Variants in GATAD2A observed in about 807,000 individuals in gnomAD.
The protein encoded by GATAD2A is transcriptional repressor p66-alpha.
Under a neutral mutation model 68.5 loss-of-function variants are expected in GATAD2A, and 12 were observed. The ratio of observed to expected loss-of-function variants is 0.18; its 90% confidence interval spans 0.11 to 0.28. The LOEUF (loss-of-function observed/expected upper bound fraction) is 0.28. Ranked by LOEUF, GATAD2A falls within the 10% of genes least tolerant of loss-of-function variation. The pLI is 1.00. For synonymous variants in GATAD2A, 410 were observed against 375.3 expected, an observed-to-expected ratio of 1.09 and a Z score of -1.07; for missense variants, 755 against 868.5, an observed-to-expected ratio of 0.87 and a Z score of 1.64.
chr19:19,386,347 C>G (rs1194208691), intron 1 of GATAD2A, among the ~76,000 whole-genome samples: 1 of 151,830 alleles, frequency 6.6e-6, no homozygotes, highest in African/African-American at 2.4e-5. Context: ...GGGACCCTCG[C>G]CTCTCTTGGG....
intron 1 of GATAD2A, among the ~76,000 whole-genome samples, chr19:19,418,098 G>A (rs956639598): frequency 6.6e-6 from 1 of 152,144 alleles, no homozygotes; most frequent in Non-Finnish European, 1.5e-5. Flanking sequence ...GTGGATCTTT[G>A]GTTTTAGGGG....
At chr19:19,442,335 T>A (rs1034541295) in intron 1 of GATAD2A, among the ~76,000 whole-genome samples, 1 of 151,556 alleles carries the variant, frequency 6.6e-6, no homozygotes, top group Non-Finnish European at 1.5e-5. Flanking sequence ...GTGTTAAAAA[T>A]CCAAGGCTGG....
intron 1 of GATAD2A, among the ~76,000 whole-genome samples, chr19:19,413,535 C>G (rs185091952): frequency 1.5e-4 from 23 of 152,176 alleles, no homozygotes; most frequent in Non-Finnish European, 2.1e-4. Flanking sequence ...CTAGGGTTCT[C>G]TTATAGCCAC....
At position 19,496,320 on chromosome 19, in the gene GATAD2A, G is replaced by A. The variant is rs1040514025; in HGVS notation, c.924+101G>A. 9 of 1,104,290 alleles carry A rather than the reference G, an allele frequency of 8.2e-6. No individual in the cohort carries two copies. In the East Asian group the frequency reaches 1.9e-4, roughly 23 times the overall value. 68.4% of individuals were successfully genotyped at this position (1,104,290 alleles called of 1,614,324 possible). A position where few individuals can be genotyped will look rare whatever the true frequency, so the allele number is the denominator to read the frequency against. Reference sequence around the variant, plus strand: ...GGGCACAGTAGTGTTTCCCTGGGCTGTGTGGCATGACCTGCCTTGCTCTTT... The same window carrying A: ...GGGCACAGTAGTGTTTCCCTGGGCTATGTGGCATGACCTGCCTTGCTCTTT... On this transcript the variant is annotated intron_variant, in intron 7 of 11. Coordinates refer to ENST00000683918, the MANE Select transcript of GATAD2A (RefSeq NM_001384528.1).
intron 5 of GATAD2A, 136 bp from the exon 6 acceptor site, chr19:19,495,618 T>C (rs1306254420): frequency 5.8e-6 from 5 of 862,876 alleles, no homozygotes; most frequent in South Asian, 2.0e-5. Context: ...TAATTTTCTT[T>C]AACTTCTCTG....
intron 2 of GATAD2A, among the ~76,000 whole-genome samples, chr19:19,476,401 TC>T (rs2058680193): frequency 6.6e-6 from 1 of 152,222 alleles, no homozygotes; most frequent in South Asian, 2.1e-4. Context: ...AGGCTTCTCT[TC>T]CTGTAACTGA....
chr19:19,409,495 GTGGTCGTTTGTTAGAATGGATGCTTT>G (rs1480974333), intron 1 of GATAD2A, among the ~76,000 whole-genome samples: 1 of 152,168 alleles, frequency 6.6e-6, no homozygotes, highest in Non-Finnish European at 1.5e-5. Context: ...CCTGCTAAGT[GTGGTCGTTTGTTAGAATGGATGCTTT>G]TGAGTTATCT....
intron 1 of GATAD2A, among the ~76,000 whole-genome samples, chr19:19,456,838 G>C (rs1174138879): frequency 1.3e-5 from 2 of 152,196 alleles, no homozygotes; most frequent in Non-Finnish European, 2.9e-5. Flanking sequence ...GGTTGATGGG[G>C]CCTTCTGATG....
intron 1 of GATAD2A, among the ~76,000 whole-genome samples, chr19:19,428,447 A>G (rs965304503): frequency 1.3e-5 from 2 of 152,246 alleles, no homozygotes; most frequent in African/African-American, 4.8e-5. Flanking sequence ...GCCTGGTGCC[A>G]GGGCCTGTCA....
At chr19:19,501,925 C>G (rs998201907) in intron 9 of GATAD2A, 44 bp from the exon 10 acceptor site, 24 of 1,513,080 alleles carry the variant, frequency 1.6e-5, no homozygotes, top group African/African-American at 4.1e-5. Context: ...CCTGGGCCGG[C>G]CAGCGGACCG....
intron 1 of GATAD2A, among the ~76,000 whole-genome samples, chr19:19,419,398 T>C (rs917802470): frequency 3.3e-5 from 5 of 152,116 alleles, no homozygotes; most frequent in Non-Finnish European, 7.4e-5. Flanking sequence ...AGGGTTTCCA[T>C]GCCTTCTACA....
intron 2 of GATAD2A, among the ~76,000 whole-genome samples, chr19:19,467,774 G>C (rs1448292165): frequency 6.6e-6 from 1 of 152,154 alleles, no homozygotes; most frequent in African/African-American, 2.4e-5. Context: ...TTAGTGGCTG[G>C]TGAATTGGAA....
chr19:19,492,598 A>G lies in GATAD2A; in HGVS notation c.420A>G (p.Glu140=), dbSNP rs764285797. Residue 140 remains glutamate (E), a synonymous_variant, in exon 4 of 12, where the codon GAA becomes GAG. Transcript: ENST00000683918. ...CCCTGCAGAAAAGCAGTCCTGAAGA[A>G]CGAGAAAGGATGATCAAGCAGCTGA... is the stretch of plus-strand genomic sequence containing the variant. ...TEALMKSSPE[E]RERMIKQLKE... 6.2e-7 allele frequency: 1 copy of G among 1,614,216 alleles called. No individual in the cohort carries two copies. Among genetic ancestry groups the G allele is most frequent in the Admixed American group, 1.7e-5 (1 of 60,020 alleles).
chr19:19,465,687 A>T (rs1385476091), intron 2 of GATAD2A, 73 bp downstream of exon 2: 2 of 1,510,188 alleles, frequency 1.3e-6, no homozygotes, highest in Admixed American at 4.0e-5. Context: ...GGGGCTGGCC[A>T]CACTCCAGGC....
intron 1 of GATAD2A, among the ~76,000 whole-genome samples, chr19:19,435,764 C>T (rs777721075): frequency 2.0e-5 from 3 of 152,136 alleles, no homozygotes; most frequent in South Asian, 2.1e-4. Context: ...GCAGGAGAAT[C>T]GTGTGAACCC....
intron 11 of GATAD2A, among the ~76,000 whole-genome samples, chr19:19,503,329 G>C (rs930632691): frequency 1.3e-5 from 2 of 152,288 alleles, no homozygotes; most frequent in East Asian, 1.9e-4. Flanking sequence ...GCCCCAGGCA[G>C]AGTGGTGGGG....
intron 1 of GATAD2A, among the ~76,000 whole-genome samples, chr19:19,453,232 C>G (rs930765098): frequency 6.6e-6 from 1 of 152,172 alleles, no homozygotes; most frequent in Non-Finnish European, 1.5e-5. Context: ...TCTCGGGCAC[C>G]TGTGCTTAGG....
chr19:19,385,925 G>A (rs1376604573), exon 1 of GATAD2A: 3 of 148,602 alleles, frequency 2.0e-5, no homozygotes, highest in Non-Finnish European at 3.0e-5. Context: ...GCGCCCCGGC[G>A]CGCGCACGCG....
chr19:19,475,482 G>GCCCCCCC (rs796725379), intron 2 of GATAD2A, among the ~76,000 whole-genome samples: 1 of 130,446 alleles, frequency 7.7e-6, no homozygotes. Flanking sequence ...GCTCTCTGGA[G>GCCCCCCC]CCCCCCCCCC....
Sources: gnomAD v4.1 joint callset for allele counts (sites outside exome capture counted in the v4.1 genomes callset) on GRCh38, gnomAD v4.1.1 for gene constraint, MANE v1.5 for transcripts, NCBI Gene and HGNC (gene_info 2026-07-23, HGNC 2026-07-21) for gene names.